The following TC2N variants were observed in gnomAD, a reference collection of about 807,000 sequenced individuals.
TC2N encodes the protein tandem C2 domains nuclear protein.
In TC2N, 51 loss-of-function variants were observed where a neutral mutation model predicts 61.9. The observed-to-expected ratio is 0.82, with a 90% CI of 0.66 to 1.04. The LOEUF is 1.04. TC2N is among the 50% of genes least tolerant of loss of function. TC2N has a pLI of 0.00. For synonymous variants in TC2N, 204 were observed against 192.6 expected, an observed-to-expected ratio of 1.06 and a Z score of -0.49; for missense variants, 556 against 566.7, an observed-to-expected ratio of 0.98 and a Z score of 0.19.
intron 1 of TC2N, among the ~76,000 whole-genome samples, chr14:91,860,839 G>A (rs1791696081): frequency 1.3e-5 from 2 of 152,238 alleles, no homozygotes; most frequent in South Asian, 2.1e-4. Flanking sequence ...TATGCAGTAC[G>A]TGGAAATTGT....
chr14:91,817,542 C>T (rs952086038), intron 1 of TC2N, among the ~76,000 whole-genome samples: 3 of 152,036 alleles, frequency 2.0e-5, no homozygotes, highest in African/African-American at 4.8e-5. Context: ...GCACTCAGCA[C>T]ACTACATGAT....
At chr14:91,790,296 G>GT (rs1455281443) in intron 9 of TC2N, among the ~76,000 whole-genome samples, 1 of 152,210 alleles carries the variant, frequency 6.6e-6, no homozygotes, top group Non-Finnish European at 1.5e-5. Flanking sequence ...AAACCCGAAA[G>GT]TTGTGCTGTT....
At position 91,786,243 on chromosome 14, in the gene TC2N, T is replaced by C. The variant is rs186442454; in HGVS notation, c.1163-882A>G. On this transcript the variant is annotated intron_variant, in intron 10 of 11. Coordinates refer to ENST00000435962, the MANE Select transcript of TC2N (RefSeq NM_001128596.3). Reference sequence around the variant, plus strand: ...CTTGTTTCCTAGAATTAATTATATATAGTTCTGATGATTTATTCCAAGTTA... The same window carrying C: ...CTTGTTTCCTAGAATTAATTATATACAGTTCTGATGATTTATTCCAAGTTA... Among the ~76,000 whole-genome samples, 25 of 152,338 alleles carry C rather than the reference T, an allele frequency of 1.6e-4. No homozygotes were observed. In the East Asian group the frequency reaches 2.9e-3, roughly 18 times the overall value.
rs751304544 is a variant in TC2N, at chr14:91,823,468, C to T, written c.-56-9643G>A. Among the ~76,000 whole-genome samples, 6 of 150,298 alleles carry T rather than the reference C, an allele frequency of 4.0e-5. 1 individual carries two copies. The highest frequency in any genetic ancestry group is 2.0e-4 in the Admixed American group (3 of 15,096). ...CCGGGAGGCGGAGGTTGCAGTGAGC[C>T]GAGATCACGCCATTGCACTCCAGAC... On this transcript the variant is annotated intron_variant, in intron 1 of 11. Coordinates refer to ENST00000435962, the MANE Select transcript of TC2N (RefSeq NM_001128596.3).
chr14:91,856,479 C>T (rs1317184759), intron 1 of TC2N, among the ~76,000 whole-genome samples: 3 of 127,200 alleles, frequency 2.4e-5, no homozygotes, highest in East Asian at 2.3e-4. Flanking sequence ...AAAGTGAGAC[C>T]TTGTCTCAAA....
chr14:91,825,869 T>A (rs1887474560), intron 1 of TC2N, among the ~76,000 whole-genome samples: 1 of 152,240 alleles, frequency 6.6e-6, no homozygotes, highest in Non-Finnish European at 1.5e-5. Flanking sequence ...TATTGATTTG[T>A]AGCTGAATTC....
chr14:91,812,217 A>T, intron 3 of TC2N, 95 bp downstream of exon 3: 2 of 633,288 alleles, frequency 3.2e-6, no homozygotes, highest in East Asian at 3.3e-5. Context: ...AAATAAAAAA[A>T]TTTTATATGA....
intron 1 of TC2N, among the ~76,000 whole-genome samples, chr14:91,859,672 C>T (rs1008814070): frequency 6.6e-6 from 1 of 152,112 alleles, no homozygotes; most frequent in African/African-American, 2.4e-5. Context: ...AAGTGACTCC[C>T]TCTACACAGG....
chr14:91,822,816 G>A (rs1157404436), intron 1 of TC2N, among the ~76,000 whole-genome samples: 4 of 150,514 alleles, frequency 2.7e-5, no homozygotes, highest in Middle Eastern at 3.4e-3. Flanking sequence ...CTGGGTTCAC[G>A]CCATTCTCCT....
chr14:91,810,721 G>T (rs751475545), intron 3 of TC2N, among the ~76,000 whole-genome samples: 4 of 151,782 alleles, frequency 2.6e-5, no homozygotes, highest in Non-Finnish European at 4.4e-5. Context: ...AGAACCAAAT[G>T]TAAACTCTAG....
intron 1 of TC2N, among the ~76,000 whole-genome samples, chr14:91,841,307 C>G (rs1281219187): frequency 6.6e-6 from 1 of 152,206 alleles, no homozygotes; most frequent in Non-Finnish European, 1.5e-5. Context: ...AGAAATGACT[C>G]AAACCTGAAG....
intron 1 of TC2N, among the ~76,000 whole-genome samples, chr14:91,818,496 T>C (rs1036748858): frequency 2.0e-5 from 3 of 151,876 alleles, no homozygotes; most frequent in African/African-American, 7.3e-5. Context: ...ACTCACAATG[T>C]CTGGTATTCA....
chr14:91,804,575 G>A (rs988846731), intron 3 of TC2N, among the ~76,000 whole-genome samples: 1 of 152,028 alleles, frequency 6.6e-6, no homozygotes, highest in Non-Finnish European at 1.5e-5. Context: ...TTACTGTACA[G>A]ATACAAAAAC....
chr14:91,784,476 T>C (rs757530172), intron 11 of TC2N, among the ~76,000 whole-genome samples: 2 of 152,156 alleles, frequency 1.3e-5, no homozygotes, highest in African/African-American at 2.4e-5. Flanking sequence ...CTGTTAATAA[T>C]ATCTTGTCAA....
At chr14:91,812,838 T>C (rs12879258) in intron 2 of TC2N, among the ~76,000 whole-genome samples, 130,668 of 151,718 alleles carry the variant, frequency 0.86, 58,475 homozygotes, top group Non-Finnish European at 0.97. Flanking sequence ...TATTTTGTAG[T>C]CAGTTATATA....
At chr14:91,809,640 C>T (rs2139858610) in intron 3 of TC2N, among the ~76,000 whole-genome samples, 1 of 152,214 alleles carries the variant, frequency 6.6e-6, no homozygotes. Context: ...CCTGAGTACA[C>T]ATCAAAGTTG....
chr14:91,862,830 C>A (rs976481286), intron 1 of TC2N, among the ~76,000 whole-genome samples: 1 of 152,178 alleles, frequency 6.6e-6, no homozygotes, highest in African/African-American at 2.4e-5. Context: ...GGATTCTTTT[C>A]TTTAATCTCA....
intron 3 of TC2N, among the ~76,000 whole-genome samples, chr14:91,807,050 C>T (rs1886541834): frequency 6.6e-6 from 1 of 152,204 alleles, no homozygotes; most frequent in South Asian, 2.1e-4. Context: ...GTGGAAGCCC[C>T]AAGTCTTGGC....
At chr14:91,832,582 G>C (rs1347008078) in intron 1 of TC2N, among the ~76,000 whole-genome samples, 1 of 152,036 alleles carries the variant, frequency 6.6e-6, no homozygotes, top group Non-Finnish European at 1.5e-5. Context: ...AGGTAATTAC[G>C]AATGTAGAAG....
Sources: allele counts gnomAD v4.1 joint callset (sites outside exome capture counted in the v4.1 genomes callset), GRCh38; gene constraint gnomAD v4.1.1; transcripts MANE v1.5; gene names NCBI Gene and HGNC (gene_info 2026-07-23, HGNC 2026-07-21).